DDAH1: variants seen among roughly 807,000 people sequenced by gnomAD.
The protein encoded by DDAH1 is N(G),N(G)-dimethylarginine dimethylaminohydrolase 1.
In DDAH1, 19 loss-of-function variants were observed where a neutral mutation model predicts 28.8. The ratio of observed to expected loss-of-function variants is 0.66; its 90% CI spans 0.46 to 0.97. DDAH1 has a LOEUF of 0.97. Among genes scored for constraint, DDAH1 ranks in the 50% least tolerant of loss-of-function variants. DDAH1 has a pLI of 0.00. For missense variants in DDAH1, 326 were observed against 375.9 expected (o/e 0.87, Z 1.10); for synonymous variants, 153 against 154.4 (o/e 0.99, Z 0.07).
chr1:85,469,083 G>A (rs1382967360), upstream of DDAH1, among the ~76,000 whole-genome samples: 1 of 152,188 alleles, frequency 6.6e-6, no homozygotes, highest in Non-Finnish European at 1.5e-5. Context: ...GCCCAGAAGG[G>A]ATGCATATCA....
At chr1:85,426,013 G>T (rs528339795) in intron 1 of DDAH1, among the ~76,000 whole-genome samples, 2 of 152,218 alleles carry the variant, frequency 1.3e-5, no homozygotes, top group South Asian at 2.1e-4. Context: ...CTCACATTAC[G>T]TTCATTACTA....
At chr1:85,326,640 CTTA>C (rs1315169286) in intron 4 of DDAH1, among the ~76,000 whole-genome samples, 3 of 152,218 alleles carry the variant, frequency 2.0e-5, no homozygotes, top group African/African-American at 7.2e-5. Context: ...TCACTTGATA[CTTA>C]TTATTCATTC....
intron 4 of DDAH1, among the ~76,000 whole-genome samples, chr1:85,338,064 T>A (rs191326203): frequency 6.6e-6 from 1 of 152,232 alleles, no homozygotes; most frequent in Non-Finnish European, 1.5e-5. Context: ...CTGGGTTTCC[T>A]TCCTCTTGCC....
intron 1 of DDAH1, among the ~76,000 whole-genome samples, chr1:85,458,476 T>C (rs1280604265): frequency 1.4e-5 from 2 of 143,784 alleles, no homozygotes; most frequent in African/African-American, 5.2e-5. Flanking sequence ...GTTGCTAGGC[T>C]GGAGTGCAGT....
intron 1 of DDAH1, among the ~76,000 whole-genome samples, chr1:85,407,865 T>C (rs761160223): frequency 2.6e-5 from 4 of 152,192 alleles, no homozygotes; most frequent in Non-Finnish European, 4.4e-5. Flanking sequence ...TTATATAAAA[T>C]TCAAAAAGCT....
At chr1:85,544,422 A>T (rs990998922) in intron 1 of DDAH1, among the ~76,000 whole-genome samples, 1 of 152,164 alleles carries the variant, frequency 6.6e-6, no homozygotes, top group Non-Finnish European at 1.5e-5. Flanking sequence ...CTACATTTTA[A>T]AGAACAGCTA....
chr1:85,560,170 T>C (rs1659098654), intron 1 of DDAH1, among the ~76,000 whole-genome samples: 1 of 152,060 alleles, frequency 6.6e-6, no homozygotes, highest in African/African-American at 2.4e-5. Flanking sequence ...TTTAACATGC[T>C]AAAAGAGGCA....
chr1:85,481,108 T>TTC (rs1049433760), intron 2 of DDAH1, among the ~76,000 whole-genome samples: 2 of 148,096 alleles, frequency 1.4e-5, no homozygotes, highest in Admixed American at 6.7e-5. Context: ...GTTTTTTTTT[T>TTC]TTTTTTTGAG....
At chr1:85,335,073 C>T (rs1185335019) in intron 4 of DDAH1, among the ~76,000 whole-genome samples, 1 of 152,056 alleles carries the variant, frequency 6.6e-6, no homozygotes, top group Non-Finnish European at 1.5e-5. Context: ...ACAATACCTT[C>T]CATCATGAAA....
At chr1:85,345,559 T>C (rs1648792846) in intron 4 of DDAH1, among the ~76,000 whole-genome samples, 1 of 152,162 alleles carries the variant, frequency 6.6e-6, no homozygotes, top group African/African-American at 2.4e-5. Context: ...CCTTTCTTCT[T>C]TCCCTAGATT....
At chr1:85,491,930 A>G (rs1018496565) in intron 2 of DDAH1, among the ~76,000 whole-genome samples, 1 of 152,216 alleles carries the variant, frequency 6.6e-6, no homozygotes, top group African/African-American at 2.4e-5. Context: ...TCAGTTTCCT[A>G]ATTTATAAAA....
chr1:85,336,413 T>G (rs564659665), intron 4 of DDAH1, among the ~76,000 whole-genome samples: 1 of 151,442 alleles, frequency 6.6e-6, no homozygotes, highest in Non-Finnish European at 1.5e-5. Context: ...TACATGGAAA[T>G]TAAACAACAT....
chr1:85,404,609 A>G, intron 1 of DDAH1: 1 of 1,155,474 alleles, frequency 8.7e-7, no homozygotes, highest in Non-Finnish European at 1.1e-6. Context: ...TGTCTGCTGA[A>G]ACCGAATCCA....
At chr1:85,538,607 A>G (rs1554594) in intron 1 of DDAH1, among the ~76,000 whole-genome samples, 1 of 145,480 alleles carries the variant, frequency 6.9e-6, no homozygotes, top group African/African-American at 2.4e-5. Flanking sequence ...CATTTTCCCA[A>G]AAGTTCACAG....
chr1:85,496,254 C>T, exon 2 of DDAH1: 1 of 984,268 alleles, frequency 1.0e-6, no homozygotes, highest in Non-Finnish European at 1.2e-6. Context: ...GCCAAAGTTA[C>T]CAGAGCTCCT....
intron 1 of DDAH1, among the ~76,000 whole-genome samples, chr1:85,404,802 CAGA>C (rs561551225): frequency 8.9e-4 from 135 of 152,264 alleles, no homozygotes; most frequent in African/African-American, 2.9e-3. Context: ...GAAGCTCTAA[CAGA>C]AGGCCACAGG....
intron 2 of DDAH1, among the ~76,000 whole-genome samples, chr1:85,356,299 C>T (rs1649484872): frequency 6.6e-6 from 1 of 152,164 alleles, no homozygotes. Flanking sequence ...GCCTGACTGA[C>T]AGATTTCCCA....
At chr1:85,536,102 T>C (rs549000910) in intron 1 of DDAH1, among the ~76,000 whole-genome samples, 1 of 151,558 alleles carries the variant, frequency 6.6e-6, no homozygotes, top group East Asian at 2.0e-4. Flanking sequence ...CTAGGCATGG[T>C]GGCACGTGCC....
chr1:85,462,627 A>C (rs1570575591), intron 1 of DDAH1, among the ~76,000 whole-genome samples: 1 of 152,174 alleles, frequency 6.6e-6, no homozygotes, highest in African/African-American at 2.4e-5. Flanking sequence ...CCACTCACTC[A>C]ACAAGCATTA....
Sources: allele counts gnomAD v4.1 joint callset (sites outside exome capture counted in the v4.1 genomes callset), GRCh38; gene constraint gnomAD v4.1.1; transcripts MANE v1.5; gene names NCBI Gene and HGNC (gene_info 2026-07-23, HGNC 2026-07-21).